Variants in LINGO2 observed in about 807,000 individuals in gnomAD.
LINGO2 encodes leucine rich repeat and Ig domain containing 2.
LINGO2 carries 14 observed loss-of-function variants against 30.6 expected under a neutral mutation model. That is an observed-to-expected ratio of 0.46 (90% CI 0.30 to 0.72). LINGO2 has a LOEUF of 0.72. Among genes scored for constraint, LINGO2 ranks in the 30% least tolerant of loss-of-function variants. LINGO2 has a pLI of 0.07. For synonymous variants in LINGO2, 317 were observed against 288.5 expected, an observed-to-expected ratio of 1.10 and a Z score of -1.00; for missense variants, 729 against 751.7, an observed-to-expected ratio of 0.97 and a Z score of 0.35.
the LINGO2 span, among the ~76,000 whole-genome samples, chr9:28,681,860 G>T: frequency 1.3e-5 from 2 of 152,066 alleles, no homozygotes; most frequent in East Asian, 1.9e-4. Flanking sequence ...AGAGAAATAG[G>T]CTCTCTTAAG....
At chr9:28,809,926 C>G in the LINGO2 span, among the ~76,000 whole-genome samples, 2,242 of 152,168 alleles carry the variant, frequency 0.015, 29 homozygotes, top group Non-Finnish European at 0.024. Flanking sequence ...ATTCTTTCTT[C>G]TGTTTAGAAC....
intron 3 of LINGO2, among the ~76,000 whole-genome samples, chr9:28,301,131 G>A (rs1426768830): frequency 6.6e-6 from 1 of 152,102 alleles, no homozygotes; most frequent in African/African-American, 2.4e-5. Context: ...ACTTTGACAA[G>A]GAGCCAGAGA....
chr9:29,029,380 A>T, the LINGO2 span, among the ~76,000 whole-genome samples: 3 of 152,198 alleles, frequency 2.0e-5, no homozygotes, highest in Non-Finnish European at 4.4e-5. Context: ...ATGCTGGTGC[A>T]CAGTAAGTAT....
chr9:28,167,954 G>A (rs965049669), intron 4 of LINGO2, among the ~76,000 whole-genome samples: 1 of 152,188 alleles, frequency 6.6e-6, no homozygotes, highest in African/African-American at 2.4e-5. Flanking sequence ...TTGCCAGCCA[G>A]TATCTCCTCA....
the LINGO2 span, among the ~76,000 whole-genome samples, chr9:28,993,040 C>A: frequency 2.6e-5 from 4 of 151,950 alleles, no homozygotes; most frequent in African/African-American, 9.7e-5. Flanking sequence ...GAAATAGAGA[C>A]ACAAAAAACC....
chr9:28,708,786 T>TATCC, the LINGO2 span, among the ~76,000 whole-genome samples: 1 of 151,984 alleles, frequency 6.6e-6, no homozygotes, highest in South Asian at 2.1e-4. Context: ...TCTATCTATC[T>TATCC]ATCCATCTAT....
intron 1 of LINGO2, among the ~76,000 whole-genome samples, chr9:28,613,339 T>G (rs1825998118): frequency 6.6e-6 from 1 of 152,010 alleles, no homozygotes; most frequent in Non-Finnish European, 1.5e-5. Flanking sequence ...ATATGTATTT[T>G]CTAAATGTAT....
chr9:28,908,782 T>C, the LINGO2 span, among the ~76,000 whole-genome samples: 2 of 151,964 alleles, frequency 1.3e-5, no homozygotes, highest in African/African-American at 4.8e-5. Context: ...GAGAATAATT[T>C]CATTTGTTAA....
rs574286221 is a variant in LINGO2 at position 28,664,786 on chromosome 9, C to T, written c.-365+5414G>A. Among the ~76,000 whole-genome samples the T allele has an allele frequency of 2.0e-5, 3 of 151,658 alleles. No individual in the cohort carries two copies. The South Asian group carries it at 6.2e-4, about 32-fold the overall frequency. On this transcript the variant is annotated intron_variant, in intron 1 of 5. Transcript: ENST00000379992. Reference sequence around the variant, plus strand: ...ATTGACCTTGTTATAATTCAGGTCCCAGCTTAAAATATATCTACATTGACA... The same window carrying T: ...ATTGACCTTGTTATAATTCAGGTCCTAGCTTAAAATATATCTACATTGACA...
At chr9:28,033,929 C>G (rs187168105) in intron 4 of LINGO2, among the ~76,000 whole-genome samples, 3 of 152,284 alleles carry the variant, frequency 2.0e-5, no homozygotes, top group Non-Finnish European at 4.4e-5. Flanking sequence ...GGCCCTTGTG[C>G]GTTTTATTCT....
At chr9:28,932,135 G>GATAAA in the LINGO2 span, among the ~76,000 whole-genome samples, 1 of 138,654 alleles carries the variant, frequency 7.2e-6, no homozygotes, top group South Asian at 2.3e-4. Context: ...AATAAAATAA[G>GATAAA]ATAAAATAAA....
chr9:29,129,149 G>A, the LINGO2 span, among the ~76,000 whole-genome samples: 3 of 152,070 alleles, frequency 2.0e-5, no homozygotes, highest in Non-Finnish European at 4.4e-5. Flanking sequence ...CTAATTTAAT[G>A]TTGTTAGCTG....
At position 28,460,756 on chromosome 9, in the gene LINGO2, G is replaced by A. The variant is rs577312979; in HGVS notation, c.-279+15184C>T. Among the ~76,000 whole-genome samples, 12 of 152,010 alleles carry A rather than the reference G, an allele frequency of 7.9e-5. 1 individual carries two copies. In the South Asian group the frequency reaches 2.5e-3, roughly 32 times the overall value. ...GCAGGTATTTGGGAAGAAGTGGTAT[G>A]ATAGATGGTATTCTACAGCAATGAA... On this transcript the variant is annotated intron_variant, in intron 2 of 5. Coordinates refer to ENST00000379992, the Ensembl canonical transcript of LINGO2.
chr9:29,100,797 A>T, the LINGO2 span, among the ~76,000 whole-genome samples: 1 of 152,184 alleles, frequency 6.6e-6, no homozygotes, highest in Admixed American at 6.5e-5. Flanking sequence ...ATTATTATGT[A>T]TTGCGTGCCT....
the LINGO2 span, among the ~76,000 whole-genome samples, chr9:28,984,909 A>G: frequency 6.6e-6 from 1 of 152,070 alleles, no homozygotes; most frequent in Non-Finnish European, 1.5e-5. Flanking sequence ...TTTGAAATGT[A>G]CAATACATTA....
At chr9:28,036,375 C>T (rs368159437) in intron 4 of LINGO2, among the ~76,000 whole-genome samples, 1 of 152,156 alleles carries the variant, frequency 6.6e-6, no homozygotes, top group African/African-American at 2.4e-5. Flanking sequence ...GAACAGGCTG[C>T]AGACACACAT....
At position 27,994,964 on chromosome 9, in the gene LINGO2, C is replaced by A. The variant is rs372287939; in HGVS notation, c.-36+17391G>T. On this transcript the variant is annotated intron_variant, in intron 5 of 5. Transcript: ENST00000379992. ...TTTGCCTTCAATGAATTCTTTTTGG[C>A]TAAATTAGTCACTTGGCAGAATACT... is the stretch of plus-strand genomic sequence containing the variant. Among the ~76,000 whole-genome samples the A allele has an allele frequency of 5.9e-5, 9 of 152,138 alleles. No individual in the cohort carries two copies. The East Asian group carries it at 9.7e-4, about 16-fold the overall frequency.
At position 28,085,874 on chromosome 9, in the gene LINGO2, G is replaced by C. The variant is rs189039902; in HGVS notation, c.-86-73469C>G. On this transcript the variant is annotated intron_variant, in intron 4 of 5. Transcript: ENST00000379992. ...TGGGCGGTATGATACTTGAATTCGT[G>C]AGTGTCTATAAATAAAATGAGGTAG... Among the ~76,000 whole-genome samples the C allele has an allele frequency of 1.6e-3, 245 of 152,156 alleles. 3 individuals are homozygous for C. The highest frequency in any genetic ancestry group is 5.7e-3 in the African/African-American group (235 of 41,534).
At chr9:28,548,824 T>G (rs1039322241) in intron 1 of LINGO2, among the ~76,000 whole-genome samples, 1 of 151,658 alleles carries the variant, frequency 6.6e-6, no homozygotes, top group African/African-American at 2.4e-5. Context: ...ACACATGAAG[T>G]TGTTACCACT....
Sources: allele counts gnomAD v4.1 joint callset (sites outside exome capture counted in the v4.1 genomes callset), GRCh38; gene constraint gnomAD v4.1.1; transcripts MANE v1.5; gene names NCBI Gene and HGNC (gene_info 2026-07-23, HGNC 2026-07-21).